The following HS1BP3 variants were observed in gnomAD, a reference collection of about 807,000 sequenced individuals.
HS1BP3 encodes HCLS1-binding protein 3.
HS1BP3 carries 32 observed loss-of-function variants against 33.5 expected under a neutral mutation model. That is an observed-to-expected ratio of 0.95 (90% CI 0.72 to 1.28). HS1BP3 has a LOEUF of 1.28. HS1BP3 is among the 50% of genes most tolerant of loss of function. The probability of loss-of-function intolerance (pLI) is 0.00; values close to 1 mark genes in which losing one functional copy is unlikely to be tolerated. For missense variants in HS1BP3, 486 were observed against 502.3 expected, an observed-to-expected ratio of 0.97 and a Z score of 0.31; for synonymous variants, 187 against 209.2, an observed-to-expected ratio of 0.89 and a Z score of 0.92.
At chr2:20,576,854 C>T (rs954044560) in intron 5 of HS1BP3, among the ~76,000 whole-genome samples, 5 of 152,336 alleles carry the variant, frequency 3.3e-5, no homozygotes, top group East Asian at 1.9e-4. Context: ...GTTTCTGTTT[C>T]GGTTACGTAT....
At chr2:20,631,130 G>A (rs370723060) in intron 4 of HS1BP3, among the ~76,000 whole-genome samples, 1 of 152,156 alleles carries the variant, frequency 6.6e-6, no homozygotes, top group Non-Finnish European at 1.5e-5. Flanking sequence ...CAGGGCCGTG[G>A]CAGAGGTCTG....
intron 5 of HS1BP3, among the ~76,000 whole-genome samples, chr2:20,563,483 G>A (rs1438305671): frequency 6.6e-6 from 1 of 152,228 alleles, no homozygotes; most frequent in Non-Finnish European, 1.5e-5. Flanking sequence ...CTACTGGTCC[G>A]CAGACTCAAT....
chr2:20,582,107 T>A (rs1442761766), intron 5 of HS1BP3, among the ~76,000 whole-genome samples: 1 of 152,186 alleles, frequency 6.6e-6, no homozygotes, highest in African/African-American at 2.4e-5. Context: ...CCAGATTCTG[T>A]TGGTTAGAAA....
At chr2:20,601,017 T>C (rs1253047886) in intron 2 of HS1BP3, among the ~76,000 whole-genome samples, 1 of 152,244 alleles carries the variant, frequency 6.6e-6, no homozygotes, top group Non-Finnish European at 1.5e-5. Flanking sequence ...CAAGTACCAA[T>C]ACTTAAAAAT....
In HS1BP3 at chr2:20,621,673, T is replaced by C. The variant is rs577956681; in HGVS notation, c.920+2223A>G. On this transcript the variant is annotated intron_variant, in intron 6 of 6. Transcript: ENST00000304031. The stretch of plus-strand genomic sequence containing the variant: ...CCTCAAATAGGGGCCCTTTGGAAAA[T>C]AAAGCAGCCGCTAGAGGCTTATGTC... Among the ~76,000 whole-genome samples, 4 of 152,258 alleles carry C rather than the reference T, an allele frequency of 2.6e-5. No individual in the cohort carries two copies. The East Asian group carries it at 7.7e-4, about 29-fold the overall frequency.
At chr2:20,555,778 C>A (rs1692826912), downstream of HS1BP3, among the ~76,000 whole-genome samples, 2 of 152,026 alleles carry the variant, frequency 1.3e-5, no homozygotes, top group African/African-American at 4.8e-5. Context: ...TCTTTGGGCA[C>A]CTACTGTGAA....
intron 5 of HS1BP3, among the ~76,000 whole-genome samples, chr2:20,572,318 C>T (rs529784268): frequency 7.9e-5 from 12 of 152,212 alleles, no homozygotes; most frequent in Admixed American, 5.9e-4. Context: ...TATCAGAACA[C>T]TTCCTCCGTC....
intron 5 of HS1BP3, among the ~76,000 whole-genome samples, chr2:20,563,279 C>T (rs1395443404): frequency 1.3e-5 from 2 of 152,224 alleles, no homozygotes; most frequent in Non-Finnish European, 2.9e-5. Flanking sequence ...TGCACCCACA[C>T]ATTACAGATG....
At chr2:20,568,187 T>C (rs1269434790) in intron 5 of HS1BP3, among the ~76,000 whole-genome samples, 2 of 152,030 alleles carry the variant, frequency 1.3e-5, no homozygotes, top group African/African-American at 2.4e-5. Context: ...AGAAAGAGCC[T>C]CACAGGAGGA....
At chr2:20,638,336 G>A in intron 4 of HS1BP3, 100 bp downstream of exon 4, 1 of 1,211,206 alleles carries the variant, frequency 8.3e-7, no homozygotes. Flanking sequence ...GGGGCGACCT[G>A]GGATGCTCAG....
At chr2:20,602,191 A>G (rs2149283296) in intron 2 of HS1BP3, among the ~76,000 whole-genome samples, 1 of 151,472 alleles carries the variant, frequency 6.6e-6, no homozygotes, top group Non-Finnish European at 1.5e-5. Context: ...ATTCAAACAC[A>G]TTCTCCTTTT....
At position 20,626,435 on chromosome 2, in the gene HS1BP3, C is replaced by T. The variant is rs573877570; in HGVS notation, c.624-1543G>A. On this transcript the variant is annotated intron_variant, in intron 4 of 6. Coordinates refer to ENST00000304031, the MANE Select transcript of HS1BP3 (RefSeq NM_022460.4). ...TGGTCCAGAGAAGCTGAGTGTCTGC[C>T]CAAGGCCACACAGCAGGGAAGGGAC... Among the ~76,000 whole-genome samples, 67 of 152,298 alleles carry T rather than the reference C, an allele frequency of 4.4e-4. 1 individual carries two copies. Among genetic ancestry groups the T allele is most frequent in the African/African-American group, 1.6e-3 (65 of 41,568 alleles).
At chr2:20,554,682 C>A in the HS1BP3 span, among the ~76,000 whole-genome samples, 24 of 132,174 alleles carry the variant, frequency 1.8e-4, no homozygotes, top group Non-Finnish European at 3.4e-4. Flanking sequence ...CAAGCCTGAA[C>A]AACAAGAGTG....
chr2:20,626,394 T>C (rs917709786), intron 4 of HS1BP3, among the ~76,000 whole-genome samples: 4 of 152,140 alleles, frequency 2.6e-5, no homozygotes, highest in Non-Finnish European at 5.9e-5. Context: ...GGCTCGTTTG[T>C]TGGATGAGGA....
chr2:20,629,697 T>C (rs921000695), intron 4 of HS1BP3, among the ~76,000 whole-genome samples: 1 of 152,232 alleles, frequency 6.6e-6, no homozygotes, highest in Non-Finnish European at 1.5e-5. Flanking sequence ...TGTGCTGGCA[T>C]GTTCTTGTTG....
rs35644786 is a variant in HS1BP3 at position 20,601,770 on chromosome 2, CTTTT to C, written c.179-3509_179-3506del. Among the ~76,000 whole-genome samples the C allele has an allele frequency of 3.0e-3, 209 of 69,132 alleles. 1 individual carries two copies. Among genetic ancestry groups the C allele is most frequent in the African/African-American group, 0.01 (191 of 18,208 alleles). The allele number at this position is 69,132 out of a possible 152,430, so 45.4% of individuals were successfully genotyped here. On this transcript the variant is annotated intron_variant, in intron 2 of 3. Coordinates refer to the HS1BP3 transcript ENST00000415264. ...ATCACCCAGTTTTCAAGTGTGTCTT[CTTTT>C]TTTTTTTTTTTTTTTTTTTTTTGAG... is the stretch of plus-strand genomic sequence containing the variant.
At chr2:20,582,064 C>T (rs144757783) in intron 5 of HS1BP3, among the ~76,000 whole-genome samples, 116 of 152,320 alleles carry the variant, frequency 7.6e-4, no homozygotes, top group African/African-American at 2.6e-3. Context: ...GATTTGGGGC[C>T]TCAATTACAT....
intron 3 of HS1BP3, chr2:20,640,087 T>C (rs946658988): frequency 5.9e-5 from 9 of 152,244 alleles, no homozygotes; most frequent in African/African-American, 2.2e-4. Flanking sequence ...ACTTCCCTTC[T>C]GTCTTGTGGA....
Position 20,638,434 on chromosome 2 carries a change from A to G in HS1BP3, c.623+2T>C, listed in dbSNP as rs759980116. On this transcript the variant is annotated splice_donor_variant, in intron 4 of 6. Coordinates refer to ENST00000304031, the MANE Select transcript of HS1BP3 (RefSeq NM_022460.4). LOFTEE classifies it high-confidence loss of function. ...GGGCCCTCTCAACAACAGGAGACCA[A>G]CCGCATAATGCCCAGAGGGTCCAGC... 1 of 1,613,814 alleles carries G rather than the reference A, an allele frequency of 6.2e-7. No individual in the cohort carries two copies. The highest frequency in any genetic ancestry group is 8.5e-7 in the Non-Finnish European group (1 of 1,179,766).
Sources: gnomAD v4.1 joint callset for allele counts (sites outside exome capture counted in the v4.1 genomes callset) on GRCh38, gnomAD v4.1.1 for gene constraint, MANE v1.5 for transcripts, NCBI Gene and HGNC (gene_info 2026-07-23, HGNC 2026-07-21) for gene names.